The following WFDC10B variants were observed in gnomAD, a reference collection of about 807,000 sequenced individuals.
WFDC10B encodes the protein WAP four-disulfide core domain 10B, also known as protein WFDC10B.
A neutral mutation model predicts 2.7 loss-of-function variants in WFDC10B; 1 was observed. The observed-to-expected ratio is 0.38, with a 90% CI of 0.13 to 1.79. WFDC10B has a LOEUF of 1.79. WFDC10B is among the 40% of genes most tolerant of loss of function. WFDC10B has a pLI of 0.33. For missense variants in WFDC10B, 71 were observed against 87.8 expected, an observed-to-expected ratio of 0.81 and a Z score of 0.76; for synonymous variants, 26 against 32.2, an observed-to-expected ratio of 0.81 and a Z score of 0.65.
rs769165977 is a variant in WFDC10B at position 45,704,560 on chromosome 20, G to A, written c.-128C>T. 39 of 1,614,034 alleles carry A rather than the reference G, an allele frequency of 2.4e-5. No homozygotes were observed. The African/African-American group carries it at 3.9e-4, about 16-fold the overall frequency. On this transcript the variant is annotated splice_region_variant and 5_prime_UTR_variant, in exon 2 of 4. Transcript: ENST00000330523. ...GTGCTGTTCCTCCTTCTGTGGGATA[G>A]TCTGTTCATCAGAAACATTTCAAAA...
At chr20:45,702,282 T>C in intron 2 of WFDC10B, 1 of 1,442,402 alleles carries the variant, frequency 6.9e-7, no homozygotes, top group South Asian at 1.2e-5. Flanking sequence ...GGGCTGACAG[T>C]CTGTCACACC....
chr20:45,693,252 C>G (rs1332450950), intron 2 of WFDC10B, among the ~76,000 whole-genome samples: 1 of 152,156 alleles, frequency 6.6e-6, no homozygotes, highest in African/African-American at 2.4e-5. Context: ...GGGGTGCCTC[C>G]CAGTTAGGCT....
chr20:45,695,657 CCAATGAGT>C (rs933902420), intron 2 of WFDC10B, among the ~76,000 whole-genome samples: 2 of 152,142 alleles, frequency 1.3e-5, no homozygotes, highest in Admixed American at 6.5e-5. Context: ...TCTAAAACAA[CCAATGAGT>C]CAAAGAATAA....
Position 45,684,952 on chromosome 20 carries a change from C to A in WFDC10B, c.100G>T (p.Val34Phe), listed in dbSNP as rs965438308. ...TCTATGCTGGGTCGCTTCTCACAGA[C>A]CTTGATTCCTGAAATGATGCAGGAG... ...RDKMRMQRIK[V>F]CEKRPSIDLC... Residue 34 changes from valine to phenylalanine, a missense_variant, in exon 4 of 4, where the codon GTC becomes TTC. Physicochemically the swap from Val to Phe is conservative, Grantham distance 50. Coordinates refer to ENST00000330523, the MANE Select transcript of WFDC10B (RefSeq NM_172006.2). 6.2e-7 allele frequency: 1 copy of A among 1,613,812 alleles called. No individual in the cohort carries two copies. The highest frequency in any genetic ancestry group is 1.1e-5 in the South Asian group (1 of 91,060).
At chr20:45,686,553 G>T (rs574586638) in intron 2 of WFDC10B, among the ~76,000 whole-genome samples, 1 of 151,838 alleles carries the variant, frequency 6.6e-6, no homozygotes, top group South Asian at 2.1e-4. Context: ...GGGGGGCGGT[G>T]AACGTAGCTA....
intron 2 of WFDC10B, among the ~76,000 whole-genome samples, chr20:45,690,155 T>A (rs1347355668): frequency 6.6e-6 from 1 of 151,958 alleles, no homozygotes; most frequent in Non-Finnish European, 1.5e-5. Flanking sequence ...TTGATTTGCG[T>A]ATATTGAACC....
intron 2 of WFDC10B, among the ~76,000 whole-genome samples, chr20:45,696,057 C>T (rs1983966448): frequency 6.6e-6 from 1 of 151,844 alleles, no homozygotes; most frequent in Non-Finnish European, 1.5e-5. Flanking sequence ...GAGGCCGAGG[C>T]AGGCAGATCA....
intron 2 of WFDC10B, among the ~76,000 whole-genome samples, chr20:45,692,730 G>A (rs987840592): frequency 6.8e-4 from 103 of 152,098 alleles, no homozygotes; most frequent in Admixed American, 3.3e-3. Flanking sequence ...TTATACATTC[G>A]TCTAAATTTT....
chr20:45,684,980 G>C lies in WFDC10B; in HGVS notation c.92-20C>G. 6.2e-7 allele frequency: 1 copy of C among 1,613,366 alleles called. No individual in the cohort carries two copies. Among genetic ancestry groups the C allele is most frequent in the Non-Finnish European group, 8.5e-7 (1 of 1,179,654 alleles). On this transcript the variant is annotated intron_variant, in intron 3 of 3. Coordinates refer to ENST00000330523, the MANE Select transcript of WFDC10B (RefSeq NM_172006.2). ...TGATTCCTGAAATGATGCAGGAGCA[G>C]GGTCAATGAAACCATGCACCTATAG...
In WFDC10B at chr20:45,684,654, A is replaced by G. The variant is rs1243582099; in HGVS notation, c.*176T>C. 1 of 780,534 alleles carries G rather than the reference A, an allele frequency of 1.3e-6. No homozygotes were observed. Among genetic ancestry groups the G allele is most frequent in the Non-Finnish European group, 2.0e-6 (1 of 510,410 alleles). 48.4% of individuals were successfully genotyped at this position (780,534 alleles called of 1,614,324 possible). ...AGTGGCAGCAAAAGAGGCAGGATCC[A>G]TGGGCATTTGTTCTGGTTTATTTGA... is the stretch of plus-strand genomic sequence containing the variant. On this transcript the variant is annotated 3_prime_UTR_variant, in exon 4 of 4. Transcript: ENST00000330523.
chr20:45,692,812 C>G (rs989007031), intron 2 of WFDC10B, among the ~76,000 whole-genome samples: 2 of 152,148 alleles, frequency 1.3e-5, no homozygotes, highest in African/African-American at 2.4e-5. Context: ...TCGTCTGAAG[C>G]CTTCTTCTCT....
At position 45,685,901 on chromosome 20, in the gene WFDC10B, C is replaced by T. The variant is rs1983597079; in HGVS notation, c.91+1G>A. On this transcript the variant is annotated splice_donor_variant, in intron 3 of 3. Transcript: ENST00000330523. LOFTEE classifies it high-confidence loss of function. The stretch of plus-strand genomic sequence containing the variant: ...CACCCATCCAGCAGCCCATCACCTA[C>T]TCTGCATCCTCATCTTGTCACGGTA... 3 of 1,613,904 alleles carry T rather than the reference C, an allele frequency of 1.9e-6. No individual in the cohort carries two copies.
chr20:45,684,709 G>T lies in WFDC10B; in HGVS notation c.*121C>A. The stretch of plus-strand genomic sequence containing the variant: ...GACAGGGAGTTCAGACACTGGGGAG[G>T]GTGGCATTCCTGTTGATGTTCTTGT... On this transcript the variant is annotated 3_prime_UTR_variant, in exon 4 of 4. Coordinates refer to ENST00000330523, the MANE Select transcript of WFDC10B (RefSeq NM_172006.2). The T allele has an allele frequency of 2.2e-6, 3 of 1,343,752 alleles. No individual in the cohort carries two copies. The highest frequency in any genetic ancestry group is 1.4e-5 in the South Asian group (1 of 73,570). 83.2% of individuals were successfully genotyped at this position (1,343,752 alleles called of 1,614,324 possible).
At chr20:45,685,105 C>T in intron 3 of WFDC10B, 145 bp from the exon 4 acceptor site, 1 of 991,432 alleles carries the variant, frequency 1.0e-6, no homozygotes, top group Non-Finnish European at 1.5e-6. Context: ...CCTTCCAGCC[C>T]ATCACCAATC....
At chr20:45,700,226 G>A (rs920124810) in intron 2 of WFDC10B, among the ~76,000 whole-genome samples, 2 of 152,142 alleles carry the variant, frequency 1.3e-5, no homozygotes, top group African/African-American at 4.8e-5. Context: ...ATTGTTAAAT[G>A]AAAACAACAA....
At position 45,684,780 on chromosome 20, in the gene WFDC10B, G is replaced by T. The variant is rs202095515; in HGVS notation, c.*50C>A. On this transcript the variant is annotated 3_prime_UTR_variant, in exon 4 of 4. Transcript: ENST00000330523. ...GTGCTTCGGATGTGGGCACAGTCTCGGATGGAAGGGTTCAGGGAGCAGGAT... is the reference window on the plus strand; with the variant it reads ...GTGCTTCGGATGTGGGCACAGTCTCTGATGGAAGGGTTCAGGGAGCAGGAT... The T allele has an allele frequency of 6.2e-7, 1 of 1,600,014 alleles. No homozygotes were observed. Among genetic ancestry groups the T allele is most frequent in the South Asian group, 1.1e-5 (1 of 88,922 alleles).
At chr20:45,697,974 C>G (rs968348140) in intron 2 of WFDC10B, among the ~76,000 whole-genome samples, 13 of 151,290 alleles carry the variant, frequency 8.6e-5, no homozygotes, top group Non-Finnish European at 1.8e-4. Flanking sequence ...GAACTCCTGG[C>G]CTCAGGTGAT....
At chr20:45,696,557 A>G (rs1983985277) in intron 2 of WFDC10B, among the ~76,000 whole-genome samples, 1 of 152,134 alleles carries the variant, frequency 6.6e-6, no homozygotes, top group Non-Finnish European at 1.5e-5. Context: ...AATATCAGAA[A>G]TTAGAGTGGG....
rs1369620054 is a variant in WFDC10B, at chr20:45,684,790, G to T, written c.*40C>A. The T allele has an allele frequency of 6.2e-7, 1 of 1,608,572 alleles. No individual in the cohort carries two copies. Among genetic ancestry groups the T allele is most frequent in the African/African-American group, 1.3e-5 (1 of 74,828 alleles). ...TGTGGGCACAGTCTCGGATGGAAGG[G>T]TTCAGGGAGCAGGATGCACATCCCA... On this transcript the variant is annotated 3_prime_UTR_variant, in exon 4 of 4. Coordinates refer to ENST00000330523, the MANE Select transcript of WFDC10B (RefSeq NM_172006.2).
Sources: allele counts gnomAD v4.1 joint callset (sites outside exome capture counted in the v4.1 genomes callset), GRCh38; gene constraint gnomAD v4.1.1; transcripts MANE v1.5; gene names NCBI Gene and HGNC (gene_info 2026-07-23, HGNC 2026-07-21).